TRIM75: variants seen among roughly 807,000 people sequenced by gnomAD.
TRIM75 encodes tripartite motif-containing protein 75.
At chr4:165,057,825 G>C in the TRIM75 span, among the ~76,000 whole-genome samples, 2 of 152,178 alleles carry the variant, frequency 1.3e-5, no homozygotes, top group African/African-American at 4.8e-5. Context: ...GAGCCACCAA[G>C]CTCAGCCTTT....
the TRIM75 span, among the ~76,000 whole-genome samples, chr4:165,056,408 G>A: frequency 6.6e-6 from 1 of 151,794 alleles, no homozygotes; most frequent in African/African-American, 2.4e-5. Context: ...CTTCAGGACT[G>A]TCCCTTCACT....
the TRIM75 span, among the ~76,000 whole-genome samples, chr4:165,058,460 G>A: frequency 6.6e-6 from 1 of 152,080 alleles, no homozygotes; most frequent in Non-Finnish European, 1.5e-5. Flanking sequence ...TTATTTACCT[G>A]ATTCCAAGAA....
chr4:165,058,346 AT>A, the TRIM75 span, among the ~76,000 whole-genome samples: 3 of 150,642 alleles, frequency 2.0e-5, no homozygotes, highest in Admixed American at 6.6e-5. Flanking sequence ...TTTTTTTTTT[AT>A]TTTTTTATTT....
the TRIM75 span, among the ~76,000 whole-genome samples, chr4:165,056,030 C>G: frequency 9.9e-5 from 15 of 151,806 alleles, no homozygotes; most frequent in South Asian, 2.1e-4. Flanking sequence ...ACTTTCCCAC[C>G]TCAGCCTCTG....
chr4:165,054,362 G>A, the TRIM75 span, among the ~76,000 whole-genome samples: 1 of 150,630 alleles, frequency 6.6e-6, no homozygotes, highest in African/African-American at 2.4e-5. Context: ...CCGCCTCCCA[G>A]GTTCAAGTGA....
chr4:165,055,128 C>T, the TRIM75 span, among the ~76,000 whole-genome samples: 4 of 151,024 alleles, frequency 2.6e-5, no homozygotes, highest in African/African-American at 9.7e-5. Context: ...AGGAATCAAA[C>T]TCAACCATTA....
chr4:165,060,002 G>C, the TRIM75 span: 1 of 774,830 alleles, frequency 1.3e-6, no homozygotes, highest in Non-Finnish European at 2.4e-6. Flanking sequence ...ATTCTGCTCT[G>C]CAGAGAATTA....
At chr4:165,056,483 T>A in the TRIM75 span, among the ~76,000 whole-genome samples, 1 of 152,012 alleles carries the variant, frequency 6.6e-6, no homozygotes, top group Non-Finnish European at 1.5e-5. Flanking sequence ...TTTTTATTAC[T>A]GAGGCCTTGG....
At chr4:165,054,424 T>C in the TRIM75 span, among the ~76,000 whole-genome samples, 6 of 152,152 alleles carry the variant, frequency 3.9e-5, no homozygotes, top group East Asian at 7.8e-4. Context: ...TGTGCCACCA[T>C]GCCCAGCTAA....
chr4:165,059,587 A>G, the TRIM75 span: 1 of 780,934 alleles, frequency 1.3e-6, no homozygotes, highest in Non-Finnish European at 2.4e-6. Context: ...TTCTGCAGTT[A>G]CATCCAGCCC....
chr4:165,057,734 A>G, the TRIM75 span, among the ~76,000 whole-genome samples: 1 of 152,100 alleles, frequency 6.6e-6, no homozygotes, highest in African/African-American at 2.4e-5. Flanking sequence ...AGGTTTTGCC[A>G]TGTTGGCCAG....
chr4:165,054,266 ATTTTTTT>A, the TRIM75 span, among the ~76,000 whole-genome samples: 2 of 96,862 alleles, frequency 2.1e-5, no homozygotes, highest in African/African-American at 3.8e-5. Context: ...TAATTTGTGT[ATTTTTTT>A]TTTTTTTTTT....
the TRIM75 span, among the ~76,000 whole-genome samples, chr4:165,056,917 A>G: frequency 1.3e-4 from 19 of 151,994 alleles, no homozygotes; most frequent in Non-Finnish European, 2.8e-4. Flanking sequence ...GCGCCCGGCC[A>G]ATCCATTTTC....
the TRIM75 span, chr4:165,060,481 C>A: frequency 2.1e-3 from 1,642 of 779,792 alleles, 16 homozygotes; most frequent in African/African-American, 0.025. Context: ...TTTACTGGGC[C>A]TCTTCGGCCT....
At chr4:165,058,887 A>T in the TRIM75 span, among the ~76,000 whole-genome samples, 1 of 152,164 alleles carries the variant, frequency 6.6e-6, no homozygotes, top group African/African-American at 2.4e-5. Flanking sequence ...CTGGAAGAGC[A>T]GTTGTCTGGC....
At chr4:165,059,353 C>T in the TRIM75 span, 6 of 780,480 alleles carry the variant, frequency 7.7e-6, no homozygotes, top group Non-Finnish European at 1.2e-5. Flanking sequence ...AGGAGCAACA[C>T]CCAGCTGGGA....
the TRIM75 span, among the ~76,000 whole-genome samples, chr4:165,056,162 A>G: frequency 6.6e-6 from 1 of 151,970 alleles, no homozygotes; most frequent in Non-Finnish European, 1.5e-5. Context: ...TCTCTTTAAA[A>G]TATATATATT....
the TRIM75 span, chr4:165,060,469 CT>C: frequency 5.1e-6 from 4 of 780,386 alleles, no homozygotes; most frequent in Non-Finnish European, 9.6e-6. Context: ...TTCACTGACA[CT>C]TTTACTGGGC....
At chr4:165,059,092 A>T in the TRIM75 span, 3 of 687,330 alleles carry the variant, frequency 4.4e-6, no homozygotes, top group East Asian at 2.6e-5. Context: ...GAGTACCCAC[A>T]GAACTCAACC....
Sources: gnomAD v4.1 joint callset for allele counts (sites outside exome capture counted in the v4.1 genomes callset) on GRCh38, gnomAD v4.1.1 for gene constraint, MANE v1.5 for transcripts, NCBI Gene and HGNC (gene_info 2026-07-23, HGNC 2026-07-21) for gene names.